The following F5 variants were observed in gnomAD, a reference collection of about 807,000 sequenced individuals.
The protein encoded by F5 is activated protein c cofactor.
In F5, 138 loss-of-function variants were observed where a neutral mutation model predicts 216.4. The observed-to-expected ratio is 0.64, with a 90% CI of 0.56 to 0.73. The LOEUF is 0.73. Among genes scored for constraint, F5 ranks in the 30% least tolerant of loss-of-function variants. The pLI, the probability that F5 is intolerant of heterozygous loss-of-function variation, is 0.00. For missense variants in F5, 2,403 were observed against 2,674.0 expected (o/e 0.90, Z 2.24); for synonymous variants, 916 against 930.7 (o/e 0.98, Z 0.29).
intron 13 of F5, among the ~76,000 whole-genome samples, chr1:169,538,278 A>T (rs1299473212): frequency 6.6e-6 from 1 of 152,194 alleles, no homozygotes; most frequent in Non-Finnish European, 1.5e-5. Context: ...TGGAAACTAA[A>T]AACATTGAGC....
intron 11 of F5, 28 bp downstream of exon 11, chr1:169,546,414 G>T: frequency 6.2e-7 from 1 of 1,613,690 alleles, no homozygotes; most frequent in South Asian, 1.1e-5. Flanking sequence ...ATGAAAAACT[G>T]ATGAACAAAA....
At chr1:169,586,154 G>T in intron 1 of F5, 75 bp downstream of exon 1, 2 of 1,538,940 alleles carry the variant, frequency 1.3e-6, no homozygotes, top group Non-Finnish European at 8.9e-7. Context: ...CCATGACATT[G>T]CAAAGGGAAT....
intron 14 of F5, among the ~76,000 whole-genome samples, chr1:169,534,466 G>A (rs1312855649): frequency 1.3e-5 from 2 of 152,120 alleles, no homozygotes; most frequent in Admixed American, 1.3e-4. Flanking sequence ...TCAGGAGTTT[G>A]AGACCAGCCT....
rs988780391 is a variant in F5 at position 169,513,384 on chromosome 1, T to C, written c.*929A>G. On this transcript the variant is annotated 3_prime_UTR_variant, in exon 25 of 25. Coordinates refer to ENST00000367797, the MANE Select transcript of F5 (RefSeq NM_000130.5). ...GTGCAATATCTACAGGATCACTGAA[T>C]GCCAAGTCCCCAGGGAAAGGAATGA... is the stretch of plus-strand genomic sequence containing the variant. Among the ~76,000 whole-genome samples the C allele has an allele frequency of 5.3e-5, 8 of 152,094 alleles. No individual in the cohort carries two copies. Among genetic ancestry groups the C allele is most frequent in the African/African-American group, 1.9e-4 (8 of 41,520 alleles).
At chr1:169,586,188 C>A in intron 1 of F5, 41 bp downstream of exon 1, 1 of 1,611,696 alleles carries the variant, frequency 6.2e-7, no homozygotes, top group Non-Finnish European at 8.5e-7. Context: ...AATAGATTTT[C>A]CTCTCTAGAG....
chr1:169,564,417 T>A (rs1660552821), intron 3 of F5, among the ~76,000 whole-genome samples: 2 of 152,090 alleles, frequency 1.3e-5, no homozygotes, highest in African/African-American at 4.8e-5. Flanking sequence ...ATAGAGACTC[T>A]GTCTGGGTTC....
chr1:169,562,553 C>T (rs1390999488), intron 3 of F5, among the ~76,000 whole-genome samples: 16 of 151,546 alleles, frequency 1.1e-4, no homozygotes, highest in Non-Finnish European at 2.2e-4. Flanking sequence ...TCCTTTTCCC[C>T]TTCCTTTCTG....
intron 3 of F5, among the ~76,000 whole-genome samples, chr1:169,567,141 T>C (rs1411658848): frequency 1.3e-5 from 2 of 151,856 alleles, no homozygotes; most frequent in African/African-American, 4.8e-5. Flanking sequence ...CTTCTCCTTG[T>C]ATCCTCACAT....
rs1186601249 is a variant in F5, at chr1:169,540,295, T to C, written c.4795A>G (p.Arg1599Gly). Residue 1599 changes from arginine (R) to glycine (G), a missense_variant and splice_region_variant, in exon 13 of 25, where the codon AGG (arginine) becomes GGG (glycine). By Grantham distance (125) the Arg-to-Gly change is moderately radical (BLOSUM62 -2). Coordinates refer to ENST00000367797, the MANE Select transcript of F5 (RefSeq NM_000130.5). ...ISWDYSEFVQ[R>G]ETDIEDSDDI... Reference sequence around the variant, plus strand: ...AAAAAAGGAGAAAACTGGCCAAACCTTTGTACAAATTCTGAATAATCCCAG... The same window carrying C: ...AAAAAAGGAGAAAACTGGCCAAACCCTTGTACAAATTCTGAATAATCCCAG... 7 of 1,613,618 alleles carry C rather than the reference T, an allele frequency of 4.3e-6. No homozygotes were observed. The highest frequency in any genetic ancestry group is 5.9e-6 in the Non-Finnish European group (7 of 1,179,798).
rs139205942 is a variant in F5, at chr1:169,580,929, A to G, written c.250+1502T>C. 2.0e-4 allele frequency among the ~76,000 whole-genome samples: 31 copies of G among 152,282 alleles called. No individual in the cohort carries two copies. The East Asian group carries it at 6.0e-3, about 29-fold the overall frequency. ...ATAAATACTTTGTACTTATTAACTC[A>G]ATTGATCCTCTTAATATCTTTAGAA... On this transcript the variant is annotated intron_variant, in intron 2 of 24. Coordinates refer to ENST00000367797, the MANE Select transcript of F5 (RefSeq NM_000130.5).
At chr1:169,521,807 G>C (rs1045876980) in intron 21 of F5, among the ~76,000 whole-genome samples, 2 of 151,712 alleles carry the variant, frequency 1.3e-5, no homozygotes, top group Non-Finnish European at 2.9e-5. Context: ...TTTTAGTAGA[G>C]AGGGGGTTTC....
chr1:169,523,387 C>T, intron 20 of F5, 35 bp from the exon 21 acceptor site: 1 of 1,612,954 alleles, frequency 6.2e-7, no homozygotes, highest in Non-Finnish European at 8.5e-7. Flanking sequence ...CAGAACTGTC[C>T]TTGTCAACAA....
At chr1:169,523,609 A>G (rs977169217) in intron 20 of F5, among the ~76,000 whole-genome samples, 192 bp downstream of exon 20, 4 of 152,198 alleles carry the variant, frequency 2.6e-5, no homozygotes, top group Non-Finnish European at 4.4e-5. Flanking sequence ...TTTAATCTAT[A>G]AAACAAGATA....
At position 169,544,563 on chromosome 1, in the gene F5, G is replaced by A. The variant is rs1414704117; in HGVS notation, c.1763-55C>T. 12 of 1,390,964 alleles carry A rather than the reference G, an allele frequency of 8.6e-6. No homozygotes were observed. The Admixed American group carries it at 1.9e-4, about 23-fold the overall frequency. The allele number at this position is 1,390,964 out of a possible 1,614,324, so 86.2% of individuals were successfully genotyped here. ...AGTCTATGCCAACAAAAGGGCATGT[G>A]TCTAATTATACCTAAGATAAATGTC... On this transcript the variant is annotated intron_variant, in intron 11 of 24. Transcript: ENST00000367797.
Position 169,550,665 on chromosome 1 carries a change from A to G in F5, c.1371T>C (p.Asp457=). The G allele has an allele frequency of 6.2e-7, 1 of 1,613,990 alleles. No individual in the cohort carries two copies. Among genetic ancestry groups the G allele is most frequent in the Non-Finnish European group, 8.5e-7 (1 of 1,179,856 alleles). ...CTGAGGTGAAAGAAGAGTTGACTTC[A>G]TCTTCATAAGGCGAGAAGGTCACTC... ...PHGVTFSPYE[D]EVNSSFTSGR... is the part of the protein sequence containing the mutation. The change falls in exon 9 of 25, where the codon GAT becomes GAC. Residue 457 remains aspartate, a synonymous_variant. Transcript: ENST00000367797.
chr1:169,584,144 C>G (rs541183365), intron 1 of F5, among the ~76,000 whole-genome samples: 7 of 152,236 alleles, frequency 4.6e-5, no homozygotes, highest in African/African-American at 1.7e-4. Flanking sequence ...AAAATCTTTA[C>G]TAAAAAATAT....
intron 1 of F5, among the ~76,000 whole-genome samples, chr1:169,584,068 T>C (rs1403899374): frequency 6.6e-6 from 1 of 152,240 alleles, no homozygotes; most frequent in Non-Finnish European, 1.5e-5. Context: ...TTATTTTTAG[T>C]ACAATTGAAA....
intron 8 of F5, among the ~76,000 whole-genome samples, chr1:169,552,158 G>A (rs1660188098): frequency 6.6e-6 from 1 of 152,106 alleles, no homozygotes; most frequent in African/African-American, 2.4e-5. Context: ...CTTAACATCA[G>A]GATAAATGGT....
At chr1:169,568,909 T>C (rs1447850367) in intron 3 of F5, among the ~76,000 whole-genome samples, 1 of 152,078 alleles carries the variant, frequency 6.6e-6, no homozygotes, top group East Asian at 1.9e-4. Context: ...ACTCTTTTCC[T>C]CTCCTAAGTT....
Sources: allele counts gnomAD v4.1 joint callset (sites outside exome capture counted in the v4.1 genomes callset), GRCh38; gene constraint gnomAD v4.1.1; transcripts MANE v1.5; gene names NCBI Gene and HGNC (gene_info 2026-07-23, HGNC 2026-07-21).